Variants in GPATCH1 observed in about 807,000 individuals in gnomAD.
GPATCH1 encodes the protein G patch domain-containing protein 1.
In GPATCH1, 73 loss-of-function variants were observed where a neutral mutation model predicts 114.9. The ratio of observed to expected loss-of-function variants is 0.64; its 90% confidence interval spans 0.53 to 0.77. The LOEUF is 0.77. Ranked by LOEUF, GPATCH1 falls within the 30% of genes least tolerant of loss-of-function variation. The probability of loss-of-function intolerance (pLI) is 0.00; values close to 1 mark genes in which losing one functional copy is unlikely to be tolerated. For missense variants in GPATCH1, 1,058 were observed against 1,144.3 expected (o/e 0.92, Z 1.09); for synonymous variants, 391 against 428.4 (o/e 0.91, Z 1.08).
At chr19:33,093,941 C>T (rs1000600790) in intron 4 of GPATCH1, among the ~76,000 whole-genome samples, 5 of 152,106 alleles carry the variant, frequency 3.3e-5, no homozygotes, top group African/African-American at 9.7e-5. Flanking sequence ...GTGATCCCAT[C>T]GTAAAGGCCC....
At chr19:33,083,866 A>G (rs1004320810) in intron 1 of GPATCH1, among the ~76,000 whole-genome samples, 3 of 150,828 alleles carry the variant, frequency 2.0e-5, no homozygotes, top group Non-Finnish European at 4.4e-5. Flanking sequence ...CTGGCATGCA[A>G]TGGTGCGATC....
chr19:33,084,075 G>C (rs1445118684), intron 1 of GPATCH1, among the ~76,000 whole-genome samples: 2 of 152,186 alleles, frequency 1.3e-5, no homozygotes, highest in East Asian at 3.9e-4. Flanking sequence ...CTCCCAAAGT[G>C]CTGGGATTAC....
At chr19:33,088,489 G>T (rs776985086) in intron 2 of GPATCH1, among the ~76,000 whole-genome samples, 2 of 150,896 alleles carry the variant, frequency 1.3e-5, no homozygotes, top group Non-Finnish European at 2.9e-5. Context: ...GATAACAGGC[G>T]CATGCCACTA....
intron 8 of GPATCH1, chr19:33,100,218 G>C (rs1020828080): frequency 3.9e-5 from 6 of 151,930 alleles, no homozygotes; most frequent in African/African-American, 1.5e-4. Flanking sequence ...TGGGTTTTGA[G>C]ATAATACAAG....
intron 9 of GPATCH1, among the ~76,000 whole-genome samples, chr19:33,102,397 AT>A (rs35403942): frequency 1.3e-3 from 182 of 135,204 alleles, no homozygotes; most frequent in Non-Finnish European, 1.1e-3. Context: ...TCTAATTTCT[AT>A]TTTTTTTTTT....
intron 9 of GPATCH1, among the ~76,000 whole-genome samples, chr19:33,104,175 C>CAAAA (rs778465436): frequency 8.0e-6 from 1 of 125,488 alleles, no homozygotes; most frequent in East Asian, 2.2e-4. Context: ...ACAAAAAATA[C>CAAAA]AAAAAAAAAA....
At chr19:33,124,842 C>T (rs954962837) in intron 17 of GPATCH1, among the ~76,000 whole-genome samples, 6 of 152,130 alleles carry the variant, frequency 3.9e-5, no homozygotes, top group Non-Finnish European at 8.8e-5. Context: ...CTGCATCTGG[C>T]AGCTGGGGTC....
At chr19:33,120,813 C>T (rs1261802366) in intron 17 of GPATCH1, among the ~76,000 whole-genome samples, 3 of 151,578 alleles carry the variant, frequency 2.0e-5, no homozygotes, top group East Asian at 3.9e-4. Context: ...CACGGTGAAA[C>T]CCCATCTGTA....
intron 18 of GPATCH1, among the ~76,000 whole-genome samples, chr19:33,125,414 T>C (rs1337365328): frequency 6.6e-6 from 1 of 152,040 alleles, no homozygotes; most frequent in Non-Finnish European, 1.5e-5. Flanking sequence ...TTTTTTTTTT[T>C]TTGAGATGGA....
intron 18 of GPATCH1, 93 bp from the exon 19 acceptor site, chr19:33,126,495 C>T: frequency 6.4e-7 from 1 of 1,562,310 alleles, no homozygotes; most frequent in Non-Finnish European, 8.6e-7. Context: ...TTTTGAATGA[C>T]TCCATCACTG....
chr19:33,113,044 AGGCAG>A (rs1299900014), intron 13 of GPATCH1: 1 of 158,496 alleles, frequency 6.3e-6, no homozygotes, highest in Non-Finnish European at 1.4e-5. Context: ...TGGGAGGCCA[AGGCAG>A]GAGGATCGCT....
At chr19:33,104,142 C>T (rs988930636) in intron 9 of GPATCH1, among the ~76,000 whole-genome samples, 3 of 146,422 alleles carry the variant, frequency 2.0e-5, no homozygotes, top group Admixed American at 6.9e-5. Flanking sequence ...CCAGCCTGGG[C>T]AACATGGTGA....
In GPATCH1 at chr19:33,130,369, A is replaced by G; in HGVS notation, c.*209A>G. On this transcript the variant is annotated 3_prime_UTR_variant, in exon 20 of 20. Coordinates refer to ENST00000170564, the MANE Select transcript of GPATCH1 (RefSeq NM_018025.3). ...TTTCAGTTAGTATCGGGGGAAAAAAATCCAGACTGAACAGTTTAATTAAAG... is the reference window on the plus strand; with the variant it reads ...TTTCAGTTAGTATCGGGGGAAAAAAGTCCAGACTGAACAGTTTAATTAAAG... The G allele has an allele frequency of 2.2e-6, 1 of 445,368 alleles. No homozygotes were observed. The highest frequency in any genetic ancestry group is 5.3e-5 in the South Asian group (1 of 18,936). 27.6% of individuals were successfully genotyped at this position (445,368 alleles called of 1,614,324 possible).
chr19:33,114,291 G>T lies in GPATCH1; in HGVS notation c.2068G>T (p.Glu690Ter), dbSNP rs1972891820. Reference sequence around the variant, plus strand: ...ATCCAGATGGGATACCTCTAAACACGAAAAGAAAGAAGATTCCATTAGTGA... The same window carrying T: ...ATCCAGATGGGATACCTCTAAACACTAAAAGAAAGAAGATTCCATTAGTGA... ...KPSRWDTSKH[E>*]KKEDSISEFL... Residue 690 changes from glutamate to a stop codon, truncating the protein, a stop_gained, in exon 15 of 20, where the codon GAA (glutamate) becomes TAA (stop). Coordinates refer to ENST00000170564, the MANE Select transcript of GPATCH1 (RefSeq NM_018025.3). LOFTEE classifies it high-confidence loss of function. The T allele has an allele frequency of 6.2e-7, 1 of 1,612,998 alleles. No individual in the cohort carries two copies.
intron 5 of GPATCH1, among the ~76,000 whole-genome samples, chr19:33,095,397 G>A (rs1972645014): frequency 6.6e-6 from 1 of 151,874 alleles, no homozygotes; most frequent in African/African-American, 2.4e-5. Flanking sequence ...GAGTAGCTGG[G>A]ATTACAGGCT....
At chr19:33,105,053 T>C (rs1972768010) in intron 9 of GPATCH1, among the ~76,000 whole-genome samples, 1 of 151,958 alleles carries the variant, frequency 6.6e-6, no homozygotes, top group Non-Finnish European at 1.5e-5. Flanking sequence ...TAAATTAAAG[T>C]TTTTAAATTC....
intron 15 of GPATCH1, among the ~76,000 whole-genome samples, chr19:33,116,912 A>G (rs1043540240): frequency 2.0e-5 from 3 of 151,982 alleles, no homozygotes; most frequent in African/African-American, 7.2e-5. Context: ...AATTGTCCTC[A>G]GGCTGGGTGT....
At position 33,106,883 on chromosome 19, in the gene GPATCH1, A is replaced by T; in HGVS notation, c.1269A>T (p.Gly423=). 6.2e-7 allele frequency: 1 copy of T among 1,613,300 alleles called. No individual in the cohort carries two copies. The highest frequency in any genetic ancestry group is 1.1e-5 in the South Asian group (1 of 91,048). The change falls in exon 10 of 20, where the codon GGA becomes GGT. Residue 423 remains glycine (G), a synonymous_variant. Coordinates refer to ENST00000170564, the MANE Select transcript of GPATCH1 (RefSeq NM_018025.3). ...CCTCCAAACGGGCTGAGTTGCTTGGAGAGACGCCTATTCAAGGTATGTGCC... is the reference window on the plus strand; with the variant it reads ...CCTCCAAACGGGCTGAGTTGCTTGGTGAGACGCCTATTCAAGGTATGTGCC... The part of the protein sequence containing the change: ...LNASKRAELL[G]ETPIQGSATS...
chr19:33,096,318 G>T lies in GPATCH1; in HGVS notation c.724G>T (p.Asp242Tyr), dbSNP rs1387993697. 1 of 1,614,160 alleles carries T rather than the reference G, an allele frequency of 6.2e-7. No homozygotes were observed. The highest frequency in any genetic ancestry group is 1.7e-5 in the Admixed American group (1 of 60,008). Residue 242 changes from aspartate to tyrosine, a missense_variant, in exon 7 of 20, where the codon GAT becomes TAT. This residue lies in a region of GPATCH1 where 893 missense variants were observed against 977.4 expected (regional missense o/e 0.91). Transcript: ENST00000170564. ...GCATGGTCTAGCTTACAAGGGCCTG[G>T]ATCCCCACCAGGCACTGTTTGGAAC... The part of the protein sequence containing the change: ...NVHGLAYKGL[D>Y]PHQALFGTSG...
Sources: gnomAD v4.1 joint callset for allele counts (sites outside exome capture counted in the v4.1 genomes callset) on GRCh38, gnomAD v4.1.1 for gene constraint, gnomAD v4.1.1 regional missense constraint, MANE v1.5 for transcripts, NCBI Gene and HGNC (gene_info 2026-07-23, HGNC 2026-07-21) for gene names.